BLTP2: variants seen among roughly 807,000 people sequenced by gnomAD.
The protein encoded by BLTP2 is bridge-like lipid transfer protein family member 2.
chr17:28,621,174 G>T, the BLTP2 span: 35 of 1,612,836 alleles, frequency 2.2e-5, no homozygotes, highest in Non-Finnish European at 3.0e-5. Context: ...TTCCAATCTG[G>T]GAAGAGGTGG....
At chr17:28,640,524 T>C in the BLTP2 span, 1 of 1,611,208 alleles carries the variant, frequency 6.2e-7, no homozygotes, top group Admixed American at 1.7e-5. Context: ...GCTCCCACTA[T>C]CACTCTCCCA....
At chr17:28,639,856 T>A in the BLTP2 span, 1 of 1,608,826 alleles carries the variant, frequency 6.2e-7, no homozygotes, top group Middle Eastern at 1.7e-4. Flanking sequence ...AGAGAGTATC[T>A]AGTCCTCCCA....
chr17:28,625,334 C>CAAAAAA, the BLTP2 span, among the ~76,000 whole-genome samples: 353 of 27,036 alleles, frequency 0.013, no homozygotes, highest in Non-Finnish European at 0.019. Flanking sequence ...GACTCCGTCT[C>CAAAAAA]AAAAAAAAAA....
chr17:28,644,835 C>G, the BLTP2 span, among the ~76,000 whole-genome samples: 1 of 152,094 alleles, frequency 6.6e-6, no homozygotes, highest in African/African-American at 2.4e-5. Flanking sequence ...TCCTCACGAT[C>G]CCTCCCCTCG....
the BLTP2 span, chr17:28,617,042 C>CTCCCGT: frequency 6.8e-7 from 1 of 1,468,026 alleles, no homozygotes; most frequent in Admixed American, 1.9e-5. Context: ...CAATGTCCTT[C>CTCCCGT]CTGCCATAAA....
chr17:28,639,910 G>C, the BLTP2 span: 2 of 1,614,082 alleles, frequency 1.2e-6, no homozygotes, highest in East Asian at 4.5e-5. Flanking sequence ...CCTTCCAGCA[G>C]CAGTTCAGTG....
At chr17:28,628,509 G>A in the BLTP2 span, 44 of 1,614,070 alleles carry the variant, frequency 2.7e-5, 1 homozygote, top group South Asian at 4.5e-4. Context: ...AATCTACTAA[G>A]TGCAGCTGAT....
the BLTP2 span, chr17:28,624,100 TTACCTATGA>T: frequency 2.2e-6 from 3 of 1,337,482 alleles, no homozygotes; most frequent in East Asian, 2.3e-5. Context: ...ATAGAAGTGA[TTACCTATGA>T]TACCTATGAG....
the BLTP2 span, among the ~76,000 whole-genome samples, chr17:28,636,469 T>C: frequency 2.0e-5 from 3 of 152,150 alleles, no homozygotes; most frequent in African/African-American, 7.2e-5. Flanking sequence ...CAGAGATGCA[T>C]AGTGAAATAT....
At chr17:28,618,723 T>C in the BLTP2 span, 1 of 1,291,204 alleles carries the variant, frequency 7.7e-7, no homozygotes, top group South Asian at 1.4e-5. Flanking sequence ...CTTTTATGAG[T>C]TAGACTCCTA....
chr17:28,617,478 G>A, the BLTP2 span: 6 of 572,000 alleles, frequency 1.0e-5, no homozygotes, highest in South Asian at 1.4e-4. Flanking sequence ...TTAATCCAGT[G>A]TGTCTCATGG....
the BLTP2 span, chr17:28,621,174 G>C: frequency 2.9e-5 from 47 of 1,612,836 alleles, no homozygotes; most frequent in Non-Finnish European, 4.0e-5. Flanking sequence ...TTCCAATCTG[G>C]GAAGAGGTGG....
chr17:28,639,761 G>C, the BLTP2 span: 3 of 1,407,602 alleles, frequency 2.1e-6, no homozygotes, highest in South Asian at 1.2e-5. Context: ...TGTGAGCTGG[G>C]GCTATTTTCT....
the BLTP2 span, chr17:28,642,815 A>T: frequency 1.0e-6 from 1 of 975,984 alleles, no homozygotes; most frequent in South Asian, 1.3e-5. Context: ...GAGGCCCTGA[A>T]GCAACTCTGA....
the BLTP2 span, chr17:28,634,874 C>T: frequency 6.2e-7 from 1 of 1,613,944 alleles, no homozygotes; most frequent in Admixed American, 1.7e-5. Context: ...AGTCTTTTGG[C>T]ACTCTCCTTA....
chr17:28,634,715 G>A, the BLTP2 span: 1 of 1,614,172 alleles, frequency 6.2e-7, no homozygotes, highest in Non-Finnish European at 8.5e-7. Context: ...CGGCGCATGG[G>A]TGTGTTGCCA....
At chr17:28,616,783 T>G in the BLTP2 span, 1 of 1,613,704 alleles carries the variant, frequency 6.2e-7, no homozygotes, top group Non-Finnish European at 8.5e-7. This position sits in a 1 kb window ranked among gnomAD's most constrained non-coding sequence, Gnocchi z 4.8. Context: ...AAGAAGCAAT[T>G]AAGCTCAGAT....
chr17:28,616,990 G>A, the BLTP2 span: 19 of 1,611,214 alleles, frequency 1.2e-5, no homozygotes, highest in Admixed American at 1.7e-5. The surrounding 1 kb of genome is among the most constrained non-coding windows in gnomAD (Gnocchi z 4.8). Flanking sequence ...CTCTGGGGCC[G>A]CAGTACTACC....
chr17:28,620,039 AAT>A, the BLTP2 span: 1 of 1,592,496 alleles, frequency 6.3e-7, no homozygotes, highest in Non-Finnish European at 8.5e-7. Flanking sequence ...AAGGGAAATG[AAT>A]ATGATTTTTA....
Sources: allele counts gnomAD v4.1 joint callset (sites outside exome capture counted in the v4.1 genomes callset), GRCh38; gene constraint gnomAD v4.1.1; non-coding constraint Gnocchi (gnomAD v3.1); transcripts MANE v1.5; gene names NCBI Gene and HGNC (gene_info 2026-07-23, HGNC 2026-07-21).